The following ITGBL1 variants were observed in gnomAD, a reference collection of about 807,000 sequenced individuals.
ITGBL1 encodes the protein integrin beta-like protein 1.
ITGBL1 carries 51 observed loss-of-function variants against 68.5 expected under a neutral mutation model. The ratio of observed to expected loss-of-function variants is 0.74; its 90% confidence interval spans 0.59 to 0.94. ITGBL1 has a LOEUF of 0.94. ITGBL1 is among the 40% of genes least tolerant of loss of function. The pLI, the probability that ITGBL1 is intolerant of heterozygous loss-of-function variation, is 0.00. For synonymous variants in ITGBL1, 209 were observed against 227.3 expected, an observed-to-expected ratio of 0.92 and a Z score of 0.72; for missense variants, 649 against 647.4, an observed-to-expected ratio of 1.00 and a Z score of -0.03.
intron 2 of ITGBL1, among the ~76,000 whole-genome samples, chr13:101,482,480 TGAAAA>T (rs2048639739): frequency 6.6e-6 from 1 of 152,084 alleles, no homozygotes; most frequent in African/African-American, 2.4e-5. Context: ...TCTTTTATAA[TGAAAA>T]GAAACCTAAG....
At chr13:101,598,788 G>T (rs1209059258) in intron 7 of ITGBL1, among the ~76,000 whole-genome samples, 1 of 152,124 alleles carries the variant, frequency 6.6e-6, no homozygotes, top group Non-Finnish European at 1.5e-5. Flanking sequence ...TGGCTGCACA[G>T]TATTCCATGC....
At chr13:101,461,598 T>G (rs2065766) in intron 2 of ITGBL1, among the ~76,000 whole-genome samples, 33,043 of 151,972 alleles carry the variant, frequency 0.22, 4,525 homozygotes, top group East Asian at 0.49. Flanking sequence ...AGGAGGCTAA[T>G]ACAGGAGGCT....
chr13:101,717,953 A>T (rs2034789045), downstream of ITGBL1: 1 of 152,174 alleles, frequency 6.6e-6, no homozygotes, highest in Admixed American at 6.6e-5. Context: ...ATGTAAGAAG[A>T]GTGTCAAAAA....
intron 7 of ITGBL1, among the ~76,000 whole-genome samples, chr13:101,621,032 G>A (rs1328554288): frequency 6.6e-6 from 1 of 152,132 alleles, no homozygotes; most frequent in Non-Finnish European, 1.5e-5. Flanking sequence ...AGCAGGTGCT[G>A]TGATTCAGCC....
intron 7 of ITGBL1, among the ~76,000 whole-genome samples, chr13:101,670,112 G>A (rs2033321171): frequency 6.6e-6 from 1 of 152,092 alleles, no homozygotes; most frequent in African/African-American, 2.4e-5. Flanking sequence ...TGTTCTCTTG[G>A]CTTTTCTTGA....
At chr13:101,659,939 A>G (rs1308194014) in intron 7 of ITGBL1, among the ~76,000 whole-genome samples, 1 of 152,132 alleles carries the variant, frequency 6.6e-6, no homozygotes, top group Non-Finnish European at 1.5e-5. Context: ...ATTGACCCTC[A>G]TTCACTTCTG....
chr13:101,483,655 A>T (rs1474804932), intron 2 of ITGBL1, among the ~76,000 whole-genome samples: 1 of 152,186 alleles, frequency 6.6e-6, no homozygotes, highest in Non-Finnish European at 1.5e-5. Flanking sequence ...TGTGGAGGAT[A>T]GGCTTGATGT....
intron 2 of ITGBL1, chr13:101,489,893 A>G: frequency 2.0e-6 from 2 of 995,354 alleles, no homozygotes; most frequent in Non-Finnish European, 3.0e-6. Flanking sequence ...GGTGGACTAA[A>G]GGTTAGTGTG....
intron 7 of ITGBL1, among the ~76,000 whole-genome samples, chr13:101,604,416 A>G (rs2030569018): frequency 6.6e-6 from 1 of 151,876 alleles, no homozygotes. Flanking sequence ...GATTTTTAAA[A>G]TTGTTTATAA....
Position 101,454,062 on chromosome 13 carries a change from A to G in ITGBL1, c.278A>G (p.Glu93Gly). ...MFFGPLCECH[E>G]WVCETYDGST... ...TTCGGGCCCCTGTGTGAGTGCCATGAGTGGGTGTGCGAGACCTACGACGGG... is the reference window on the plus strand; with the variant it reads ...TTCGGGCCCCTGTGTGAGTGCCATGGGTGGGTGTGCGAGACCTACGACGGG... Residue 93 changes from glutamate (E) to glycine (G), a missense_variant, in exon 2 of 11, where the codon GAG (glutamate) becomes GGG (glycine). Transcript: ENST00000376180. The G allele has an allele frequency of 6.3e-7, 1 of 1,590,828 alleles. No individual in the cohort carries two copies. Among genetic ancestry groups the G allele is most frequent in the African/African-American group, 1.3e-5 (1 of 74,382 alleles).
chr13:101,575,929 C>T (rs945843411), intron 4 of ITGBL1, among the ~76,000 whole-genome samples: 14 of 152,164 alleles, frequency 9.2e-5, no homozygotes, highest in African/African-American at 3.4e-4. Flanking sequence ...AGTCTCATGT[C>T]CTATCAGGGA....
At chr13:101,534,394 G>A (rs2049534763) in intron 2 of ITGBL1, among the ~76,000 whole-genome samples, 1 of 152,126 alleles carries the variant, frequency 6.6e-6, no homozygotes, top group Non-Finnish European at 1.5e-5. Context: ...TTTAGGTTGA[G>A]GGCAACACAC....
intron 3 of ITGBL1, among the ~76,000 whole-genome samples, chr13:101,568,998 G>A (rs931080516): frequency 1.1e-4 from 16 of 142,362 alleles, no homozygotes; most frequent in East Asian, 4.3e-4. Flanking sequence ...ATTTCTCTAC[G>A]TCCAATTCAT....
chr13:101,588,893 T>C (rs1490561708), intron 6 of ITGBL1, among the ~76,000 whole-genome samples: 1 of 152,176 alleles, frequency 6.6e-6, no homozygotes, highest in Non-Finnish European at 1.5e-5. Flanking sequence ...CAAGAAAAGT[T>C]GCAATTTTGT....
chr13:101,472,231 A>C (rs1212034065), intron 2 of ITGBL1, among the ~76,000 whole-genome samples: 2 of 152,196 alleles, frequency 1.3e-5, no homozygotes, highest in Non-Finnish European at 2.9e-5. Flanking sequence ...AAATATATCC[A>C]ATATGCCACT....
intron 7 of ITGBL1, among the ~76,000 whole-genome samples, chr13:101,620,825 C>T (rs1416547376): frequency 1.3e-5 from 2 of 152,108 alleles, no homozygotes; most frequent in African/African-American, 2.4e-5. Flanking sequence ...CAGAGACTCC[C>T]ACCAGTGAGG....
At chr13:101,661,222 G>T (rs2033080978) in intron 7 of ITGBL1, among the ~76,000 whole-genome samples, 1 of 152,014 alleles carries the variant, frequency 6.6e-6, no homozygotes, top group African/African-American at 2.4e-5. Flanking sequence ...TTGGTTCATG[G>T]TGGTTTGCTT....
chr13:101,534,602 A>T (rs2049538876), intron 2 of ITGBL1, among the ~76,000 whole-genome samples: 1 of 152,124 alleles, frequency 6.6e-6, no homozygotes, highest in Non-Finnish European at 1.5e-5. Flanking sequence ...GTGAGAAGAA[A>T]TCTTAGTTCA....
intron 7 of ITGBL1, among the ~76,000 whole-genome samples, chr13:101,622,140 T>C (rs766701907): frequency 2.0e-5 from 3 of 152,154 alleles, no homozygotes; most frequent in Non-Finnish European, 4.4e-5. Flanking sequence ...GATTAAACTT[T>C]TGTTCTTAAA....
Sources: allele counts gnomAD v4.1 joint callset (sites outside exome capture counted in the v4.1 genomes callset), GRCh38; gene constraint gnomAD v4.1.1; transcripts MANE v1.5; gene names NCBI Gene and HGNC (gene_info 2026-07-23, HGNC 2026-07-21).